Variants in KCNAB1 observed in about 807,000 individuals in gnomAD.
KCNAB1 encodes potassium voltage-gated channel subfamily A regulatory beta subunit 1.
A neutral mutation model predicts 64.6 loss-of-function variants in KCNAB1; 35 were observed. The ratio of observed to expected loss-of-function variants is 0.54; its 90% CI spans 0.41 to 0.72. The LOEUF is 0.72. KCNAB1 is among the 30% of genes least tolerant of loss of function. KCNAB1 has a pLI of 0.00. For missense variants in KCNAB1, 401 were observed against 512.9 expected (o/e 0.78, Z 2.11); for synonymous variants, 177 against 183.8 (o/e 0.96, Z 0.30).
At chr3:156,278,487 G>A (rs1719485458) in intron 1 of KCNAB1, among the ~76,000 whole-genome samples, 2 of 152,168 alleles carry the variant, frequency 1.3e-5, no homozygotes, top group African/African-American at 4.8e-5. Context: ...GGATGTGGAA[G>A]TTTTTAACAC....
intron 1 of KCNAB1, among the ~76,000 whole-genome samples, chr3:156,310,962 G>A (rs1028443309): frequency 6.6e-6 from 1 of 152,166 alleles, no homozygotes; most frequent in South Asian, 2.1e-4. Flanking sequence ...CTCTCCATGG[G>A]CAGAGCAGAA....
chr3:156,395,547 A>AAG lies in KCNAB1; in HGVS notation c.276-26068_276-26067insGA, dbSNP rs1359217310. ...GCGACAGAGCGAGACTCCGTCTCAA[A>AAG]AAAAAAAAAAAAAAAAAAAAAAAAA... On this transcript the variant is annotated intron_variant, in intron 1 of 13. Coordinates refer to ENST00000490337, the MANE Select transcript of KCNAB1 (RefSeq NM_172160.3). 1.2e-4 allele frequency among the ~76,000 whole-genome samples: 9 copies of AAG among 72,462 alleles called. No individual in the cohort carries two copies. The East Asian group carries it at 1.7e-3, about 14-fold the overall frequency. 47.5% of individuals were successfully genotyped at this position (72,462 alleles called of 152,430 possible).
At chr3:156,367,388 A>C (rs989857949) in intron 1 of KCNAB1, among the ~76,000 whole-genome samples, 1 of 150,712 alleles carries the variant, frequency 6.6e-6, no homozygotes, top group Non-Finnish European at 1.5e-5. Flanking sequence ...TCACTGTGTT[A>C]GCCAGGATGG....
At chr3:156,254,220 A>G (rs955066287) in intron 1 of KCNAB1, among the ~76,000 whole-genome samples, 2 of 152,220 alleles carry the variant, frequency 1.3e-5, no homozygotes, top group Admixed American at 1.3e-4. Context: ...TGAATAATTT[A>G]TTTGGAATAT....
At chr3:156,539,021 CAGTTAGTTAGTT>C (rs5853754), downstream of KCNAB1, 2 of 151,694 alleles carry the variant, frequency 1.3e-5, no homozygotes, top group African/African-American at 4.8e-5. Context: ...ATGTATTTCA[CAGTTAGTTAGTT>C]AGTTAGTTAT....
intron 1 of KCNAB1, among the ~76,000 whole-genome samples, chr3:156,182,634 C>T (rs553942176): frequency 6.6e-6 from 1 of 151,676 alleles, no homozygotes; most frequent in Non-Finnish European, 1.5e-5. Flanking sequence ...TTTTTTCCCC[C>T]CCCCGGGTCT....
intron 8 of KCNAB1, among the ~76,000 whole-genome samples, chr3:156,507,111 C>A (rs1269892066): frequency 2.0e-5 from 3 of 152,196 alleles, no homozygotes; most frequent in African/African-American, 7.2e-5. Context: ...GATGACAGAT[C>A]ACAGAACTTC....
At chr3:156,194,193 T>C (rs1018487101) in intron 1 of KCNAB1, among the ~76,000 whole-genome samples, 15 of 151,844 alleles carry the variant, frequency 9.9e-5, no homozygotes, top group Admixed American at 3.3e-4. Flanking sequence ...TGTCATTCTT[T>C]TATATAGAAC....
intron 1 of KCNAB1, among the ~76,000 whole-genome samples, chr3:156,371,966 CT>C (rs1174917876): frequency 2.0e-5 from 3 of 152,072 alleles, no homozygotes; most frequent in African/African-American, 7.2e-5. Flanking sequence ...TTGATAAAAC[CT>C]TGTGACTGGT....
At chr3:156,368,585 T>C (rs959159727) in intron 1 of KCNAB1, among the ~76,000 whole-genome samples, 3 of 152,166 alleles carry the variant, frequency 2.0e-5, no homozygotes, top group African/African-American at 7.2e-5. Context: ...TCAACTGTTA[T>C]TTGCAAATAA....
intron 11 of KCNAB1, among the ~76,000 whole-genome samples, chr3:156,520,019 G>A (rs1473435947): frequency 6.6e-6 from 1 of 152,062 alleles, no homozygotes; most frequent in Admixed American, 6.6e-5. Flanking sequence ...TGACAGGAGT[G>A]GAACCCCAAC....
chr3:156,169,450 G>T (rs1711821066), intron 1 of KCNAB1, among the ~76,000 whole-genome samples: 1 of 152,194 alleles, frequency 6.6e-6, no homozygotes, highest in African/African-American at 2.4e-5. Context: ...GAATGACTGA[G>T]AGAACAGTTT....
chr3:156,136,199 A>G (rs1484932238), intron 1 of KCNAB1, among the ~76,000 whole-genome samples: 1 of 152,258 alleles, frequency 6.6e-6, no homozygotes, highest in Non-Finnish European at 1.5e-5. Flanking sequence ...CACTGACAGC[A>G]TTGCAGGTAT....
chr3:156,255,913 C>G (rs182651874), intron 1 of KCNAB1, among the ~76,000 whole-genome samples: 12 of 152,282 alleles, frequency 7.9e-5, no homozygotes, highest in African/African-American at 2.2e-4. Flanking sequence ...GTGTAAGCTG[C>G]TTAAGGGGAA....
In KCNAB1 at chr3:156,262,243, A is replaced by G. The variant is rs149039051; in HGVS notation, c.275+141357A>G. Among the ~76,000 whole-genome samples, 342 of 152,018 alleles carry G rather than the reference A, an allele frequency of 2.2e-3. 1 individual carries two copies. Among genetic ancestry groups the G allele is most frequent in the Admixed American group, 3.9e-3 (60 of 15,268 alleles). On this transcript the variant is annotated intron_variant, in intron 1 of 13. Coordinates refer to ENST00000490337, the MANE Select transcript of KCNAB1 (RefSeq NM_172160.3). Reference sequence around the variant, plus strand: ...TAAAACATCCTTTACAGTGTTGAAAAGAAGTGGCAAAGTGGCATTGTTCCC... The same window carrying G: ...TAAAACATCCTTTACAGTGTTGAAAGGAAGTGGCAAAGTGGCATTGTTCCC...
At chr3:156,457,323 C>T in intron 3 of KCNAB1, 130 bp from the exon 4 acceptor site, 2 of 1,503,224 alleles carry the variant, frequency 1.3e-6, no homozygotes, top group East Asian at 2.3e-5. Context: ...TCCCTCTCCA[C>T]TAAAACTAAG....
chr3:156,389,777 T>C (rs1269362769), intron 1 of KCNAB1, among the ~76,000 whole-genome samples: 5 of 152,264 alleles, frequency 3.3e-5, no homozygotes, highest in Non-Finnish European at 7.3e-5. Flanking sequence ...ACTTATGCAC[T>C]TGGGGAAATG....
intron 1 of KCNAB1, among the ~76,000 whole-genome samples, chr3:156,149,285 A>G (rs1394398315): frequency 3.9e-5 from 6 of 152,156 alleles, no homozygotes; most frequent in Admixed American, 3.9e-4. Context: ...ACCTAAAATA[A>G]GAGAAAACAG....
intron 1 of KCNAB1, among the ~76,000 whole-genome samples, chr3:156,182,708 T>A (rs964727711): frequency 2.0e-5 from 3 of 150,812 alleles, no homozygotes; most frequent in Admixed American, 1.3e-4. Context: ...TTTTTTTTTT[T>A]TTTTTATTTT....
Sources: gnomAD v4.1 joint callset for allele counts (sites outside exome capture counted in the v4.1 genomes callset) on GRCh38, gnomAD v4.1.1 for gene constraint, MANE v1.5 for transcripts, NCBI Gene and HGNC (gene_info 2026-07-23, HGNC 2026-07-21) for gene names.